The following SDCCAG8 variants were observed in gnomAD, a reference collection of about 807,000 sequenced individuals.
The protein encoded by SDCCAG8 is SHH signaling and ciliogenesis regulator SDCCAG8.
SDCCAG8 carries 74 observed loss-of-function variants against 101.8 expected under a neutral mutation model. The ratio of observed to expected loss-of-function variants is 0.73; its 90% CI spans 0.60 to 0.88. SDCCAG8 has a LOEUF of 0.88. SDCCAG8 is among the 40% of genes least tolerant of loss of function. SDCCAG8 has a pLI of 0.00. For missense variants in SDCCAG8, 787 were observed against 822.6 expected (o/e 0.96, Z 0.53); for synonymous variants, 281 against 292.9 (o/e 0.96, Z 0.41).
intron 16 of SDCCAG8, among the ~76,000 whole-genome samples, chr1:243,452,320 C>T (rs1343657430): frequency 1.3e-5 from 2 of 151,916 alleles, no homozygotes; most frequent in Non-Finnish European, 2.9e-5. Context: ...TTTGTTACCT[C>T]CCCTAGTAAC....
At chr1:243,352,728 C>T (rs2076148810) in intron 12 of SDCCAG8, among the ~76,000 whole-genome samples, 5 of 152,226 alleles carry the variant, frequency 3.3e-5, no homozygotes, top group Admixed American at 3.3e-4. Context: ...GTAGTTCCAT[C>T]ACCCAAACAG....
chr1:243,449,580 A>C (rs2083198205), intron 16 of SDCCAG8, among the ~76,000 whole-genome samples: 1 of 152,220 alleles, frequency 6.6e-6, no homozygotes, highest in African/African-American at 2.4e-5. Context: ...TGTTCAAACC[A>C]AATATACTTA....
intron 12 of SDCCAG8, among the ~76,000 whole-genome samples, chr1:243,348,930 G>C (rs2075915346): frequency 6.6e-6 from 1 of 151,518 alleles, no homozygotes; most frequent in South Asian, 2.1e-4. Flanking sequence ...ACGTTGTGGT[G>C]AGCCGAGATC....
chr1:243,342,165 G>A (rs1219972609), intron 11 of SDCCAG8, among the ~76,000 whole-genome samples: 1 of 152,164 alleles, frequency 6.6e-6, no homozygotes, highest in Non-Finnish European at 1.5e-5. Flanking sequence ...GAAGGAATTA[G>A]TTCAGAAGGA....
intron 17 of SDCCAG8, 31 bp downstream of exon 17, chr1:243,489,171 T>A (rs753367342): frequency 3.7e-6 from 6 of 1,608,118 alleles, no homozygotes; most frequent in Non-Finnish European, 5.1e-6. Context: ...CAGGTGGGAG[T>A]CCTTGGGCGG....
In SDCCAG8 at chr1:243,477,523, G is replaced by T. The variant is rs115600271; in HGVS notation, c.1986-11491G>T. ...GTCTTCCAAAGGTATTACAAACTCAGCCTTGGTTCGATAGCACTTGTATTT... is the reference window on the plus strand; with the variant it reads ...GTCTTCCAAAGGTATTACAAACTCATCCTTGGTTCGATAGCACTTGTATTT... On this transcript the variant is annotated intron_variant, in intron 16 of 17. Transcript: ENST00000366541. Among the ~76,000 whole-genome samples the T allele has an allele frequency of 8.7e-3, 1,332 of 152,298 alleles. 21 individuals carry two copies. The highest frequency in any genetic ancestry group is 0.03 in the African/African-American group (1,256 of 41,550).
chr1:243,449,243 C>G (rs899082261), intron 16 of SDCCAG8, among the ~76,000 whole-genome samples: 1 of 152,056 alleles, frequency 6.6e-6, no homozygotes, highest in Non-Finnish European at 1.5e-5. Context: ...CTTAATGGAG[C>G]GACTTGCTAA....
intron 13 of SDCCAG8, among the ~76,000 whole-genome samples, chr1:243,391,037 G>A (rs752857178): frequency 2.0e-5 from 3 of 152,094 alleles, no homozygotes; most frequent in Non-Finnish European, 4.4e-5. Context: ...GGGCTCAAGC[G>A]GAACTCCCTC....
chr1:243,395,985 C>G (rs1045022620), intron 13 of SDCCAG8, among the ~76,000 whole-genome samples: 1 of 151,966 alleles, frequency 6.6e-6, no homozygotes, highest in Non-Finnish European at 1.5e-5. Flanking sequence ...ATAAAAGCAG[C>G]CTTATGAATG....
In SDCCAG8 at chr1:243,458,021, T is replaced by TA. The variant is rs1264340550; in HGVS notation, c.1986-30992dup. 1.3e-5 allele frequency among the ~76,000 whole-genome samples: 2 copies of TA among 152,216 alleles called. No individual in the cohort carries two copies. Among genetic ancestry groups the TA allele is most frequent in the African/African-American group, 4.8e-5 (2 of 41,452 alleles). On this transcript the variant is annotated intron_variant, in intron 16 of 17. Transcript: ENST00000366541. This position sits in a 1 kb window ranked among gnomAD's most constrained non-coding sequence, Gnocchi z 4.5. ...TAATTGTCAGGTGTGCTGGTATGGATAGAGGTCCTGCAGAAACCTTCAGGA... is the reference window on the plus strand; with the variant it reads ...TAATTGTCAGGTGTGCTGGTATGGATAAGAGGTCCTGCAGAAACCTTCAGGA...
intron 17 of SDCCAG8, among the ~76,000 whole-genome samples, chr1:243,496,072 A>AT (rs1243061631): frequency 6.6e-6 from 1 of 152,252 alleles, no homozygotes; most frequent in Non-Finnish European, 1.5e-5. Context: ...AGCACAGATG[A>AT]TTATGAAACC....
At chr1:243,488,823 T>C (rs1320196996) in intron 16 of SDCCAG8, among the ~76,000 whole-genome samples, 191 bp from the exon 17 acceptor site, 2 of 152,160 alleles carry the variant, frequency 1.3e-5, no homozygotes, top group Non-Finnish European at 2.9e-5. Context: ...CCACGCACAT[T>C]TGCTAGAATG....
intron 6 of SDCCAG8, among the ~76,000 whole-genome samples, chr1:243,300,540 A>G (rs139496806): frequency 5.4e-4 from 82 of 152,238 alleles, no homozygotes; most frequent in African/African-American, 1.6e-3. Context: ...GTACCAAATA[A>G]AAGTCTTGAT....
At chr1:243,350,469 C>T (rs2076022735) in intron 12 of SDCCAG8, among the ~76,000 whole-genome samples, 1 of 152,094 alleles carries the variant, frequency 6.6e-6, no homozygotes, top group Non-Finnish European at 1.5e-5. Flanking sequence ...CCACCTGCCT[C>T]GGCCTCCCAA....
intron 6 of SDCCAG8, among the ~76,000 whole-genome samples, chr1:243,299,098 T>C (rs2071242578): frequency 6.6e-6 from 1 of 152,256 alleles, no homozygotes; most frequent in Non-Finnish European, 1.5e-5. Flanking sequence ...TAACCTTTCA[T>C]AGTCTTCTGA....
chr1:243,268,780 A>G (rs181713895), intron 1 of SDCCAG8, among the ~76,000 whole-genome samples: 2 of 152,336 alleles, frequency 1.3e-5, no homozygotes, highest in South Asian at 2.1e-4. Flanking sequence ...TCAAGGTCCT[A>G]CAGAATATAT....
Position 243,489,068 on chromosome 1 carries a change from C to A in SDCCAG8, c.2040C>A (p.Leu680=). Residue 680 remains leucine (L), a synonymous_variant, in exon 17 of 18, where the codon CTC becomes CTA. Transcript: ENST00000366541. ...SQATAQQLVQ[L]LSKQNQLLLE... ...CCACAGCCCAGCAGCTGGTGCAGCT[C>A]CTCAGCAAGCAGAACCAGCTTCTCC... 1 of 1,613,406 alleles carries A rather than the reference C, an allele frequency of 6.2e-7. No individual in the cohort carries two copies. The highest frequency in any genetic ancestry group is 8.5e-7 in the Non-Finnish European group (1 of 1,179,996).
At chr1:243,278,079 A>T (rs910914892) in intron 4 of SDCCAG8, among the ~76,000 whole-genome samples, 1 of 152,176 alleles carries the variant, frequency 6.6e-6, no homozygotes, top group African/African-American at 2.4e-5. Flanking sequence ...TCAAGTTGGG[A>T]ATAACTGGCA....
At chr1:243,336,048 C>T (rs967794048) in intron 10 of SDCCAG8, among the ~76,000 whole-genome samples, 4 of 152,170 alleles carry the variant, frequency 2.6e-5, no homozygotes, top group Non-Finnish European at 5.9e-5. Flanking sequence ...TCTTGATGGG[C>T]ACCTAGGTTG....
Sources: allele counts gnomAD v4.1 joint callset (sites outside exome capture counted in the v4.1 genomes callset), GRCh38; gene constraint gnomAD v4.1.1; non-coding constraint Gnocchi (gnomAD v3.1); transcripts MANE v1.5; gene names NCBI Gene and HGNC (gene_info 2026-07-23, HGNC 2026-07-21).